The following RBM47 variants were observed in gnomAD, a reference collection of about 807,000 sequenced individuals.
The protein encoded by RBM47 is RNA binding motif protein 47.
Under a neutral mutation model 47.1 loss-of-function variants are expected in RBM47, and 21 were observed. That is an observed-to-expected ratio of 0.45 (90% confidence interval 0.32 to 0.64). RBM47 has a LOEUF of 0.64. RBM47 is among the 30% of genes least tolerant of loss of function. RBM47 has a pLI of 0.05. For missense variants in RBM47, 708 were observed against 870.9 expected, an observed-to-expected ratio of 0.81 and a Z score of 2.35; for synonymous variants, 375 against 361.7, an observed-to-expected ratio of 1.04 and a Z score of -0.42.
chr4:40,553,141 CT>C (rs749256704), intron 1 of RBM47, among the ~76,000 whole-genome samples: 11,200 of 135,546 alleles, frequency 0.083, 648 homozygotes, highest in African/African-American at 0.18. Context: ...CCTCTGATTG[CT>C]TTTTTTTTTT....
intron 1 of RBM47, among the ~76,000 whole-genome samples, chr4:40,576,868 A>G (rs1413326497): frequency 6.6e-6 from 1 of 152,190 alleles, no homozygotes; most frequent in African/African-American, 2.4e-5. Context: ...GATGATGATG[A>G]TGATACCCAT....
chr4:40,597,643 A>G (rs1258953976), intron 1 of RBM47, among the ~76,000 whole-genome samples: 3 of 152,260 alleles, frequency 2.0e-5, no homozygotes, highest in African/African-American at 7.2e-5. Context: ...ATTCATTTAA[A>G]TGAATACTTT....
rs1714936949 is a variant in RBM47, at chr4:40,425,859, C to G, written c.*45G>C. On this transcript the variant is annotated 3_prime_UTR_variant, in exon 7 of 7. Transcript: ENST00000295971. Reference sequence around the variant, plus strand: ...CTTCTTCATAAATAGTCAAGCGTTCCTTCAGTGGTGTTTGTGTGGTCTGTC... The same window carrying G: ...CTTCTTCATAAATAGTCAAGCGTTCGTTCAGTGGTGTTTGTGTGGTCTGTC... 5 of 1,596,824 alleles carry G rather than the reference C, an allele frequency of 3.1e-6. No homozygotes were observed. Among genetic ancestry groups the G allele is most frequent in the Non-Finnish European group, 4.3e-6 (5 of 1,167,484 alleles).
intron 1 of RBM47, among the ~76,000 whole-genome samples, chr4:40,576,117 C>G (rs778608461): frequency 6.6e-6 from 1 of 152,214 alleles, no homozygotes; most frequent in Non-Finnish European, 1.5e-5. Flanking sequence ...CTCACCTCCT[C>G]CTGGGGCAGT....
At chr4:40,624,716 G>T (rs1737566875) in intron 1 of RBM47, among the ~76,000 whole-genome samples, 1 of 152,226 alleles carries the variant, frequency 6.6e-6, no homozygotes, top group South Asian at 2.1e-4. Context: ...TTACACAAAG[G>T]CAACTTTGTC....
intron 1 of RBM47, among the ~76,000 whole-genome samples, chr4:40,595,911 CA>C (rs1393008493): frequency 0.017 from 1,888 of 112,164 alleles, 10 homozygotes; most frequent in Non-Finnish European, 0.02. Flanking sequence ...TCCCCCCTGC[CA>C]AAAAAAAAAA....
At chr4:40,597,120 C>T (rs1734823678) in intron 1 of RBM47, among the ~76,000 whole-genome samples, 1 of 151,976 alleles carries the variant, frequency 6.6e-6, no homozygotes, top group Non-Finnish European at 1.5e-5. Context: ...ATTAGCTGGC[C>T]GTGGTGGCAC....
At chr4:40,612,475 G>A (rs114217197) in intron 1 of RBM47, among the ~76,000 whole-genome samples, 2,426 of 152,284 alleles carry the variant, frequency 0.016, 32 homozygotes, top group Non-Finnish European at 0.025. Flanking sequence ...TCGCACCACT[G>A]CACTTGCACT....
chr4:40,550,882 G>C (rs1308834924), intron 1 of RBM47, among the ~76,000 whole-genome samples: 2 of 150,028 alleles, frequency 1.3e-5, no homozygotes, highest in Non-Finnish European at 3.0e-5. Context: ...TTCTCTCTTT[G>C]AATAGATGAA....
intron 2 of RBM47, among the ~76,000 whole-genome samples, chr4:40,507,080 C>A (rs1430065867): frequency 6.6e-6 from 1 of 152,148 alleles, no homozygotes; most frequent in Non-Finnish European, 1.5e-5. Flanking sequence ...ACTCAGCCTC[C>A]CGAGTAGCTG....
intron 2 of RBM47, among the ~76,000 whole-genome samples, chr4:40,479,623 T>A (rs1184944169): frequency 6.6e-6 from 1 of 151,622 alleles, no homozygotes; most frequent in Non-Finnish European, 1.5e-5. Context: ...AATAAATATA[T>A]AAATATAAAT....
intron 1 of RBM47, among the ~76,000 whole-genome samples, chr4:40,562,142 A>G (rs1376993471): frequency 6.6e-6 from 1 of 152,230 alleles, no homozygotes; most frequent in Non-Finnish European, 1.5e-5. Flanking sequence ...ATTTAAAGAT[A>G]TGCAAAGTTA....
At chr4:40,543,928 A>C (rs1349775564) in intron 2 of RBM47, 6 of 151,908 alleles carry the variant, frequency 3.9e-5, no homozygotes, top group Admixed American at 6.6e-5. Context: ...AAAAAAAAAA[A>C]ACATTTGTAT....
intron 3 of RBM47, among the ~76,000 whole-genome samples, chr4:40,453,067 C>G (rs1228227961): frequency 6.6e-6 from 1 of 152,020 alleles, no homozygotes; most frequent in Non-Finnish European, 1.5e-5. Context: ...TCTCGAGCTC[C>G]TGACCTTGTG....
At chr4:40,552,932 C>A (rs1366665336) in intron 1 of RBM47, among the ~76,000 whole-genome samples, 3 of 152,110 alleles carry the variant, frequency 2.0e-5, no homozygotes, top group African/African-American at 4.8e-5. Context: ...CAAATGCCAT[C>A]TCCTCCAAGA....
rs145107424 is a variant in RBM47, at chr4:40,430,197, AAAACAAACAAAC to A, written c.1542+2442_1542+2453del. The stretch of plus-strand genomic sequence containing the variant: ...GCGACAGAGCGAGACACCGTCGCAA[AAAACAAACAAAC>A]AAACAAACAAACAAACAAACAAAAA... On this transcript the variant is annotated intron_variant, in intron 6 of 6. Coordinates refer to ENST00000295971, the MANE Select transcript of RBM47 (RefSeq NM_001098634.2). Among the ~76,000 whole-genome samples, 64 of 150,232 alleles carry A rather than the reference AAAACAAACAAAC, an allele frequency of 4.3e-4. No homozygotes were observed. The East Asian group carries it at 5.1e-3, about 12-fold the overall frequency.
intron 1 of RBM47, among the ~76,000 whole-genome samples, chr4:40,555,866 G>A (rs1336852535): frequency 6.6e-6 from 1 of 152,144 alleles, no homozygotes; most frequent in East Asian, 1.9e-4. Flanking sequence ...GACCAGCGAT[G>A]ACACCAGGTG....
intron 5 of RBM47, among the ~76,000 whole-genome samples, chr4:40,435,577 T>G (rs963749010): frequency 6.6e-6 from 1 of 152,040 alleles, no homozygotes; most frequent in East Asian, 1.9e-4. Flanking sequence ...ACCACTGCCT[T>G]GTCCTCAAGC....
chr4:40,613,540 T>C (rs1467674812), intron 1 of RBM47, among the ~76,000 whole-genome samples: 1 of 152,176 alleles, frequency 6.6e-6, no homozygotes, highest in African/African-American at 2.4e-5. Flanking sequence ...CAGAGTTCAG[T>C]TCAACTTTTT....
Sources: gnomAD v4.1 joint callset for allele counts (sites outside exome capture counted in the v4.1 genomes callset) on GRCh38, gnomAD v4.1.1 for gene constraint, MANE v1.5 for transcripts, NCBI Gene and HGNC (gene_info 2026-07-23, HGNC 2026-07-21) for gene names.